C2orf76: variants seen among roughly 807,000 people sequenced by gnomAD.
The protein encoded by C2orf76 is chromosome 2 open reading frame 76, also known as UPF0538 protein C2orf76.
In C2orf76, 23 loss-of-function variants were observed where a neutral mutation model predicts 16.9. The observed-to-expected ratio is 1.36, with a 90% CI of 0.98 to 1.93. The LOEUF is 1.93. C2orf76 is among the 30% of genes most tolerant of loss of function. C2orf76 has a pLI of 0.00. For synonymous variants in C2orf76, 48 were observed against 52.3 expected, an observed-to-expected ratio of 0.92 and a Z score of 0.35; for missense variants, 152 against 152.6, an observed-to-expected ratio of 1.00 and a Z score of 0.02.
the C2orf76 span, among the ~76,000 whole-genome samples, chr2:119,288,699 C>G: frequency 6.6e-6 from 1 of 152,022 alleles, no homozygotes; most frequent in Non-Finnish European, 1.5e-5. Context: ...GCAGAAAGCA[C>G]CATCCACCAG....
At chr2:119,301,108 T>A (rs57265220), downstream of C2orf76, among the ~76,000 whole-genome samples, 3 of 89,332 alleles carry the variant, frequency 3.4e-5, no homozygotes, top group African/African-American at 8.3e-5. Flanking sequence ...CACACACAAC[T>A]AATTTCTGTC....
At chr2:119,320,166 A>G (rs1187465583) in intron 3 of C2orf76, among the ~76,000 whole-genome samples, 1 of 152,190 alleles carries the variant, frequency 6.6e-6, no homozygotes, top group Non-Finnish European at 1.5e-5. Flanking sequence ...AAGAACTTAC[A>G]TGGAACACAG....
At chr2:119,341,484 C>T (rs1372315420) in intron 1 of C2orf76, among the ~76,000 whole-genome samples, 1 of 152,220 alleles carries the variant, frequency 6.6e-6, no homozygotes. Flanking sequence ...CACAGATACA[C>T]AGTATGGTTA....
At chr2:119,294,649 A>G in the C2orf76 span, among the ~76,000 whole-genome samples, 1 of 152,166 alleles carries the variant, frequency 6.6e-6, no homozygotes, top group South Asian at 2.1e-4. Flanking sequence ...TGAAGACAGC[A>G]GCTGGGAGTG....
chr2:119,359,470 A>T (rs905756933), intron 1 of C2orf76, among the ~76,000 whole-genome samples: 2 of 152,250 alleles, frequency 1.3e-5, no homozygotes, highest in African/African-American at 4.8e-5. Context: ...GGATATGGGC[A>T]AAATAATACG....
chr2:119,288,086 G>A, the C2orf76 span, among the ~76,000 whole-genome samples: 102 of 150,456 alleles, frequency 6.8e-4, 1 homozygote, highest in Admixed American at 3.2e-3. Flanking sequence ...GATGTGGGTC[G>A]TGCACTTGTC....
Position 119,302,676 on chromosome 2 carries a change from A to G in C2orf76, c.305-128T>C. Reference sequence around the variant, plus strand: ...TCAGATGCCCAAAGTGAAAAAGATGAGTTATTTGTTGGGTCGCACAATGCA... The same window carrying G: ...TCAGATGCCCAAAGTGAAAAAGATGGGTTATTTGTTGGGTCGCACAATGCA... On this transcript the variant is annotated intron_variant, in intron 5 of 5. Transcript: ENST00000334816. 3 of 458,426 alleles carry G rather than the reference A, an allele frequency of 6.5e-6. No homozygotes were observed. The South Asian group carries it at 2.1e-4, about 33-fold the overall frequency. The allele number at this position is 458,426 out of a possible 1,614,324, so 28.4% of individuals were successfully genotyped here.
chr2:119,287,802 TA>T, the C2orf76 span, among the ~76,000 whole-genome samples: 1 of 152,212 alleles, frequency 6.6e-6, no homozygotes, highest in Admixed American at 6.5e-5. Flanking sequence ...GTGTTTAAAA[TA>T]AAATGGCATT....
At chr2:119,300,016 C>T (rs961453625), downstream of C2orf76, among the ~76,000 whole-genome samples, 2 of 152,152 alleles carry the variant, frequency 1.3e-5, no homozygotes, top group Non-Finnish European at 2.9e-5. Context: ...GGTCATTCTA[C>T]CTCAGGTCTC....
At chr2:119,356,645 T>A (rs899399900) in intron 1 of C2orf76, among the ~76,000 whole-genome samples, 17 of 149,508 alleles carry the variant, frequency 1.1e-4, no homozygotes, top group Non-Finnish European at 2.4e-4. Context: ...AAAGAAATAA[T>A]AATGAGTGGA....
At chr2:119,356,918 A>C (rs1299502656) in intron 1 of C2orf76, among the ~76,000 whole-genome samples, 1 of 152,198 alleles carries the variant, frequency 6.6e-6, no homozygotes, top group African/African-American at 2.4e-5. Context: ...AATTTCTTAA[A>C]AAACTAAAAC....
intron 1 of C2orf76, among the ~76,000 whole-genome samples, chr2:119,356,667 T>C (rs905321437): frequency 2.0e-5 from 3 of 151,092 alleles, no homozygotes; most frequent in South Asian, 2.1e-4. Context: ...ATCAATACAA[T>C]TGAAAACAGA....
In C2orf76 at chr2:119,311,613, C is replaced by T. The variant is rs757451399; in HGVS notation, c.304+9G>A. The T allele has an allele frequency of 1.9e-6, 3 of 1,612,638 alleles. No homozygotes were observed. Among genetic ancestry groups the T allele is most frequent in the Non-Finnish European group, 2.5e-6 (3 of 1,179,680 alleles). On this transcript the variant is annotated intron_variant, in intron 5 of 5. Transcript: ENST00000334816. Reference sequence around the variant, plus strand: ...TCCCCCTCCAGCAACACAAGGCCCCCTTCCTCACCGATTCCAGCTGCTTTC... The same window carrying T: ...TCCCCCTCCAGCAACACAAGGCCCCTTTCCTCACCGATTCCAGCTGCTTTC...
chr2:119,314,866 T>C (rs986263794), intron 4 of C2orf76, among the ~76,000 whole-genome samples: 4 of 152,176 alleles, frequency 2.6e-5, no homozygotes, highest in African/African-American at 9.6e-5. Flanking sequence ...GGAACTCTCA[T>C]AGCAGGTTTT....
chr2:119,321,420 A>T (rs561269473), intron 2 of C2orf76, among the ~76,000 whole-genome samples: 15 of 152,062 alleles, frequency 9.9e-5, no homozygotes, highest in South Asian at 4.2e-4. Flanking sequence ...GTAATCTATT[A>T]AAAAAAATGT....
chr2:119,288,267 C>T, the C2orf76 span, among the ~76,000 whole-genome samples: 4,049 of 151,778 alleles, frequency 0.027, 188 homozygotes, highest in African/African-American at 0.092. Context: ...CGCCATTCTC[C>T]TGCCTCAGCC....
At chr2:119,341,135 T>G in intron 1 of C2orf76, among the ~76,000 whole-genome samples, 1 of 152,138 alleles carries the variant, frequency 6.6e-6, no homozygotes, top group East Asian at 1.9e-4. Context: ...AAATAGACTA[T>G]TATGCACAGC....
chr2:119,341,388 C>T (rs1053458668), intron 1 of C2orf76, among the ~76,000 whole-genome samples: 2 of 152,150 alleles, frequency 1.3e-5, no homozygotes, highest in African/African-American at 4.8e-5. Flanking sequence ...TCATCGACTG[C>T]CCACTCACCT....
chr2:119,316,302 G>C (rs1295009591), intron 4 of C2orf76, among the ~76,000 whole-genome samples: 2 of 152,182 alleles, frequency 1.3e-5, no homozygotes, highest in African/African-American at 4.8e-5. Flanking sequence ...GTGTGAGCAT[G>C]ACATTTTGAG....
Sources: allele counts gnomAD v4.1 joint callset (sites outside exome capture counted in the v4.1 genomes callset), GRCh38; gene constraint gnomAD v4.1.1; transcripts MANE v1.5; gene names NCBI Gene and HGNC (gene_info 2026-07-23, HGNC 2026-07-21).